NRG1: variants seen among roughly 807,000 people sequenced by gnomAD.
NRG1 encodes the protein neuregulin 1, also known as pro-neuregulin-1, membrane-bound isoform.
Under a neutral mutation model 63.8 loss-of-function variants are expected in NRG1, and 18 were observed. The observed-to-expected ratio is 0.28, with a 90% CI of 0.19 to 0.42. NRG1 has a LOEUF of 0.42. Among genes scored for constraint, NRG1 ranks in the 10% least tolerant of loss-of-function variants. NRG1 has a pLI of 1.00. For missense variants in NRG1, 762 were observed against 814.7 expected (o/e 0.94, Z 0.79); for synonymous variants, 302 against 301.3 (o/e 1.00, Z -0.02).
chr8:31,997,131 C>T (rs1812121282), intron 1 of NRG1, among the ~76,000 whole-genome samples: 1 of 149,366 alleles, frequency 6.7e-6, no homozygotes, highest in African/African-American at 2.5e-5. Context: ...ATAATATGGG[C>T]ATTTTTTTAT....
At chr8:32,525,666 G>A (rs1385692863) in intron 1 of NRG1, among the ~76,000 whole-genome samples, 1 of 152,092 alleles carries the variant, frequency 6.6e-6, no homozygotes, top group Non-Finnish European at 1.5e-5. Context: ...TGTTATTCAA[G>A]GTGTTGCCTG....
At chr8:31,906,083 A>G (rs546100033) in intron 1 of NRG1, among the ~76,000 whole-genome samples, 1 of 152,324 alleles carries the variant, frequency 6.6e-6, no homozygotes, top group East Asian at 1.9e-4. Context: ...ATGGGTCAGG[A>G]ATCCAACAAC....
intron 1 of NRG1, among the ~76,000 whole-genome samples, chr8:32,203,561 C>T (rs906752739): frequency 4.6e-5 from 7 of 151,818 alleles, no homozygotes; most frequent in African/African-American, 1.5e-4. Context: ...GGGATTTCAC[C>T]GGGTTGGCCA....
intron 1 of NRG1, among the ~76,000 whole-genome samples, chr8:32,512,698 G>A (rs1234595452): frequency 6.6e-6 from 1 of 152,068 alleles, no homozygotes; most frequent in Non-Finnish European, 1.5e-5. Flanking sequence ...ATCCAGGCAG[G>A]GTGGTTTCAA....
intron 1 of NRG1, among the ~76,000 whole-genome samples, chr8:32,276,544 C>G (rs1035548506): frequency 1.3e-5 from 2 of 152,140 alleles, no homozygotes; most frequent in Non-Finnish European, 1.5e-5. Context: ...CTCATTCTGT[C>G]CCCCAGGCTG....
intron 1 of NRG1, among the ~76,000 whole-genome samples, chr8:32,049,268 T>G (rs2130791333): frequency 6.6e-6 from 1 of 152,302 alleles, no homozygotes; most frequent in Non-Finnish European, 1.5e-5. Context: ...AATCTTTCCC[T>G]AAGCATTAAC....
chr8:32,712,647 A>T (rs1462704904), intron 5 of NRG1, among the ~76,000 whole-genome samples: 1 of 152,154 alleles, frequency 6.6e-6, no homozygotes, highest in Non-Finnish European at 1.5e-5. Flanking sequence ...TACCTTATTA[A>T]GTCATAGAGT....
chr8:31,871,435 C>T (rs1829476752), intron 1 of NRG1, among the ~76,000 whole-genome samples: 1 of 152,022 alleles, frequency 6.6e-6, no homozygotes, highest in African/African-American at 2.4e-5. Context: ...CTCGCTTTCC[C>T]ACTAAATCGC....
intron 1 of NRG1, among the ~76,000 whole-genome samples, chr8:31,775,625 C>A (rs760270412): frequency 6.6e-6 from 1 of 152,186 alleles, no homozygotes; most frequent in East Asian, 1.9e-4. Context: ...CGGTGGCTCA[C>A]GCCTGTAATC....
chr8:31,766,207 A>T (rs1393385473), intron 1 of NRG1, among the ~76,000 whole-genome samples: 1 of 152,112 alleles, frequency 6.6e-6, no homozygotes, highest in East Asian at 1.9e-4. Flanking sequence ...ATTCTGAAAC[A>T]TCTATTAGAC....
At chr8:31,704,565 G>A (rs1585787490) in intron 1 of NRG1, among the ~76,000 whole-genome samples, 1 of 152,106 alleles carries the variant, frequency 6.6e-6, no homozygotes, top group East Asian at 1.9e-4. Flanking sequence ...GGGCGCGGTG[G>A]CTCATGCCTG....
chr8:31,740,226 G>A (rs1291346404), intron 1 of NRG1, among the ~76,000 whole-genome samples: 3 of 152,112 alleles, frequency 2.0e-5, no homozygotes, highest in Non-Finnish European at 4.4e-5. Context: ...TGGGACTGAA[G>A]AGTAAAGTCA....
intron 1 of NRG1, among the ~76,000 whole-genome samples, chr8:32,422,943 T>C (rs1816876693): frequency 6.6e-6 from 1 of 152,214 alleles, no homozygotes; most frequent in African/African-American, 2.4e-5. Flanking sequence ...TCACATGGTT[T>C]AAATTACTCT....
intron 1 of NRG1, among the ~76,000 whole-genome samples, chr8:32,238,822 T>A (rs909647432): frequency 6.6e-6 from 1 of 152,292 alleles, no homozygotes; most frequent in East Asian, 1.9e-4. Context: ...GTAGAACTCA[T>A]GGTAGGTCCT....
At chr8:31,711,353 CTT>C (rs1202563795) in intron 1 of NRG1, among the ~76,000 whole-genome samples, 33 of 152,120 alleles carry the variant, frequency 2.2e-4, no homozygotes, top group Admixed American at 1.6e-3. Flanking sequence ...TTGACTCAAA[CTT>C]TCTTTTTCTG....
chr8:31,690,950 T>G (rs1809437074), intron 1 of NRG1, among the ~76,000 whole-genome samples: 2 of 151,964 alleles, frequency 1.3e-5, no homozygotes, highest in Admixed American at 1.3e-4. Context: ...TATGTGTAAA[T>G]ATGGGAGCCA....
At chr8:32,418,456 T>C (rs1816242350) in intron 1 of NRG1, among the ~76,000 whole-genome samples, 1 of 151,944 alleles carries the variant, frequency 6.6e-6, no homozygotes, top group Admixed American at 6.6e-5. Context: ...AAATATCAAT[T>C]AGATATTTTA....
At chr8:31,712,704 T>C (rs1328007059) in intron 1 of NRG1, among the ~76,000 whole-genome samples, 1 of 152,224 alleles carries the variant, frequency 6.6e-6, no homozygotes, top group Non-Finnish European at 1.5e-5. Flanking sequence ...TGCTCTTTTT[T>C]TTCTTATAGT....
chr8:32,174,008 A>T (rs1370332772), intron 1 of NRG1, among the ~76,000 whole-genome samples: 1 of 151,996 alleles, frequency 6.6e-6, no homozygotes, highest in Non-Finnish European at 1.5e-5. Flanking sequence ...CATCTACAGG[A>T]CTCTCCACCC....
Sources: allele counts gnomAD v4.1 joint callset (sites outside exome capture counted in the v4.1 genomes callset), GRCh38; gene constraint gnomAD v4.1.1; transcripts MANE v1.5; gene names NCBI Gene and HGNC (gene_info 2026-07-23, HGNC 2026-07-21).